Variants in UNC45B observed in about 807,000 individuals in gnomAD.
UNC45B encodes the protein protein unc-45 homolog B.
A neutral mutation model predicts 98.7 loss-of-function variants in UNC45B; 78 were observed. The observed-to-expected ratio is 0.79, with a 90% CI of 0.66 to 0.95. The LOEUF (loss-of-function observed/expected upper bound fraction) is 0.95, where lower values mean the gene tolerates loss of function less well. Among genes scored for constraint, UNC45B ranks in the 40% least tolerant of loss-of-function variants. The pLI, the probability that UNC45B is intolerant of heterozygous loss-of-function variation, is 0.00. For missense variants in UNC45B, 1,225 were observed against 1,184.9 expected (o/e 1.03, Z -0.50); for synonymous variants, 462 against 480.4 (o/e 0.96, Z 0.50).
intron 19 of UNC45B, among the ~76,000 whole-genome samples, chr17:35,184,809 T>C (rs959525913): frequency 1.3e-5 from 2 of 152,152 alleles, no homozygotes; most frequent in African/African-American, 2.4e-5. Context: ...GCATTTTTGT[T>C]CTGACATGGG....
At chr17:35,148,670 T>C (rs2091994016) in intron 2 of UNC45B, among the ~76,000 whole-genome samples, 1 of 152,140 alleles carries the variant, frequency 6.6e-6, no homozygotes. Context: ...ATCTTACTAA[T>C]GGCCCGTGAG....
At chr17:35,170,901 C>T (rs145570487) in intron 12 of UNC45B, among the ~76,000 whole-genome samples, 3 of 151,958 alleles carry the variant, frequency 2.0e-5, no homozygotes, top group Non-Finnish European at 4.4e-5. Context: ...CCCTCCCAGG[C>T]CCCCCCAGAC....
rs372699279 is a variant in UNC45B, at chr17:35,149,021, C to A, written c.205+12C>A. 5.8e-4 allele frequency: 929 copies of A among 1,613,992 alleles called. 2 individuals carry two copies. The highest frequency in any genetic ancestry group is 7.5e-4 in the Non-Finnish European group (889 of 1,180,004). Reference sequence around the variant, plus strand: ...AGATGCCTCCAGAGGTGAGCCCCTCCCACCTCCAAGCTTGCCCTGTCACAT... The same window carrying A: ...AGATGCCTCCAGAGGTGAGCCCCTCACACCTCCAAGCTTGCCCTGTCACAT... On this transcript the variant is annotated intron_variant, in intron 3 of 19. Transcript: ENST00000394570.
intron 4 of UNC45B, among the ~76,000 whole-genome samples, chr17:35,152,281 A>C (rs181511975): frequency 4.6e-5 from 7 of 152,264 alleles, no homozygotes; most frequent in African/African-American, 1.4e-4. Context: ...ATGTGCTCAG[A>C]AGTAGGTGGG....
intron 13 of UNC45B, among the ~76,000 whole-genome samples, chr17:35,172,315 T>A (rs1171903471): frequency 4.6e-5 from 7 of 151,702 alleles, no homozygotes; most frequent in Non-Finnish European, 7.4e-5. Flanking sequence ...AGTGGTGAGA[T>A]CTCGGCTCAA....
chr17:35,173,832 A>G (rs202089179), intron 13 of UNC45B, among the ~76,000 whole-genome samples: 1 of 79,056 alleles, frequency 1.3e-5, no homozygotes, highest in Non-Finnish European at 2.6e-5. Context: ...TTTTTTTTTT[A>G]TACAGAGTCT....
At chr17:35,161,801 T>C (rs1019776097) in intron 8 of UNC45B, among the ~76,000 whole-genome samples, 1 of 151,820 alleles carries the variant, frequency 6.6e-6, no homozygotes, top group Non-Finnish European at 1.5e-5. Flanking sequence ...GGATTGGAAC[T>C]TTCGGCCCCC....
intron 15 of UNC45B, among the ~76,000 whole-genome samples, chr17:35,176,508 C>A (rs772068349): frequency 6.6e-6 from 1 of 152,136 alleles, no homozygotes; most frequent in East Asian, 1.9e-4. Flanking sequence ...GCTGCAACTC[C>A]GTCTCTATTA....
chr17:35,149,948 A>G, intron 3 of UNC45B, 100 bp from the exon 4 acceptor site: 4 of 1,290,374 alleles, frequency 3.1e-6, no homozygotes, highest in Admixed American at 5.4e-5. Context: ...AGGAAGACAC[A>G]GAAACGAAGC....
intron 12 of UNC45B, among the ~76,000 whole-genome samples, chr17:35,170,467 A>T (rs1389162428): frequency 6.7e-6 from 1 of 149,862 alleles, no homozygotes; most frequent in Non-Finnish European, 1.5e-5. Context: ...GAAGATGCAC[A>T]GGAGGGCAGT....
chr17:35,186,550 AGT>A lies in UNC45B; in HGVS notation c.2784_2785del (p.Ser929LeufsTer25), dbSNP rs1476063153. 6.2e-7 allele frequency: 1 copy of A among 1,614,206 alleles called. No homozygotes were observed. On this transcript the variant is annotated frameshift_variant, in exon 20 of 20. Transcript: ENST00000394570. LOFTEE classifies it high-confidence loss of function. Reference protein sequence around the residue: ...KCMDYGFIKPVS With the variant: ...KCMDYGFIKPXS Reference sequence around the variant, plus strand: ...GCATGGATTATGGTTTCATTAAACCAGTGTCTTAGACAGCGACCCTCAGGGAT... The same window carrying A: ...GCATGGATTATGGTTTCATTAAACCAGTCTTAGACAGCGACCCTCAGGGAT...
chr17:35,180,801 A>G (rs1375783410), intron 18 of UNC45B, 125 bp downstream of exon 18: 44 of 618,130 alleles, frequency 7.1e-5, no homozygotes, highest in Non-Finnish European at 8.1e-5. Context: ...TGGGCAGAAA[A>G]TCCAGGAATC....
chr17:35,175,650 G>A (rs2092227280), intron 14 of UNC45B, among the ~76,000 whole-genome samples: 1 of 152,180 alleles, frequency 6.6e-6, no homozygotes, highest in Non-Finnish European at 1.5e-5. Context: ...GAGGAAGCCA[G>A]AGCCAGATCA....
chr17:35,164,074 G>A lies in UNC45B; in HGVS notation c.1059G>A (p.Met353Ile). The A allele has an allele frequency of 1.2e-6, 2 of 1,614,130 alleles. No homozygotes were observed. ...TGCCCCTGACTGACAACACCCGCAT[G>A]CTGGCCTCTATCCTCATCAACAAGC... ...SCLPLTDNTR[M>I]LASILINKLY... Residue 353 changes from methionine (M) to isoleucine (I), a missense_variant, in exon 9 of 20, where the codon ATG (methionine) becomes ATA (isoleucine). By Grantham distance (10) the Met-to-Ile change is conservative. Transcript: ENST00000394570.
Position 35,168,333 on chromosome 17 carries a change from A to T in UNC45B, c.1424A>T (p.Asn475Ile). 1 of 1,373,880 alleles carries T rather than the reference A, an allele frequency of 7.3e-7. No homozygotes were observed. The highest frequency in any genetic ancestry group is 9.5e-7 in the Non-Finnish European group (1 of 1,052,520). The allele number at this position is 1,373,880 out of a possible 1,614,324, so 85.1% of individuals were successfully genotyped here. Residue 475 changes from asparagine (N) to isoleucine (I), a missense_variant, in exon 10 of 20, where the codon AAT (asparagine) becomes ATT (isoleucine). Transcript: ENST00000394570. ...LLKQIYKTTK[N>I]EKIKIRTLVG... is the part of the protein sequence containing the mutation. The stretch of plus-strand genomic sequence containing the variant: ...AAACAGATCTACAAGACCACCAAAA[A>T]TGAGAAGATCAAGATCCGCACACTG...
At chr17:35,175,063 G>GA (rs1408992445) in intron 14 of UNC45B, among the ~76,000 whole-genome samples, 4 of 61,350 alleles carry the variant, frequency 6.5e-5, no homozygotes, top group Non-Finnish European at 1.7e-4. Flanking sequence ...AAGGAAAGAA[G>GA]AAAGAAAGAA....
intron 14 of UNC45B, among the ~76,000 whole-genome samples, chr17:35,175,095 AAG>A (rs2092222908): frequency 6.7e-6 from 1 of 149,878 alleles, no homozygotes; most frequent in Non-Finnish European, 1.5e-5. Flanking sequence ...AAGAGAAAGA[AAG>A]AAAAAAGAAA....
At chr17:35,155,833 G>C (rs2142538666) in intron 7 of UNC45B, among the ~76,000 whole-genome samples, 1 of 152,264 alleles carries the variant, frequency 6.6e-6, no homozygotes, top group South Asian at 2.1e-4. Flanking sequence ...GCTTCCCAAA[G>C]TGCTAGGATT....
At position 35,154,639 on chromosome 17, in the gene UNC45B, T is replaced by A; in HGVS notation, c.537T>A (p.Asn179Lys). ...GGGCTGAGAAGATCTTCCAGAACAATGGAGTAGCCTTGCTACTGCAGCTTC... is the reference window on the plus strand; with the variant it reads ...GGGCTGAGAAGATCTTCCAGAACAAAGGAGTAGCCTTGCTACTGCAGCTTC... ...EAGAEKIFQN[N>K]GVALLLQLLD... is the part of the protein sequence containing the mutation. Residue 179 changes from asparagine to lysine, a missense_variant, in exon 6 of 20, where the codon AAT becomes AAA. Asn to Lys is a moderately conservative substitution (Grantham distance 94, BLOSUM62 0). Coordinates refer to ENST00000394570, the MANE Select transcript of UNC45B (RefSeq NM_001267052.2). 3.7e-6 allele frequency: 6 copies of A among 1,613,566 alleles called. No individual in the cohort carries two copies. Among genetic ancestry groups the A allele is most frequent in the Non-Finnish European group, 5.1e-6 (6 of 1,179,842 alleles).
Sources: gnomAD v4.1 joint callset for allele counts (sites outside exome capture counted in the v4.1 genomes callset) on GRCh38, gnomAD v4.1.1 for gene constraint, MANE v1.5 for transcripts, NCBI Gene and HGNC (gene_info 2026-07-23, HGNC 2026-07-21) for gene names.